Variants in CELF2 observed in about 807,000 individuals in gnomAD.
CELF2 encodes CUGBP Elav-like family member 2.
In CELF2, 8 loss-of-function variants were observed where a neutral mutation model predicts 62.6. The observed-to-expected ratio is 0.13, with a 90% CI of 0.07 to 0.23. The LOEUF is 0.23. CELF2 is among the 10% of genes least tolerant of loss of function. The pLI, the probability that CELF2 is intolerant of heterozygous loss-of-function variation, is 1.00. For synonymous variants in CELF2, 258 were observed against 250.0 expected, an observed-to-expected ratio of 1.03 and a Z score of -0.30; for missense variants, 333 against 671.0, an observed-to-expected ratio of 0.50 and a Z score of 5.56.
At chr10:10,946,347 A>G (rs374770471) in intron 2 of CELF2, 29 of 152,542 alleles carry the variant, frequency 1.9e-4, no homozygotes, top group East Asian at 1.2e-3. Context: ...GGGTGTAGAA[A>G]TTGTGTCATT....
intron 2 of CELF2, among the ~76,000 whole-genome samples, chr10:11,167,240 A>G (rs1221431160): frequency 6.6e-6 from 1 of 152,226 alleles, no homozygotes; most frequent in Non-Finnish European, 1.5e-5. Context: ...ATGGTATGCT[A>G]TTGAGGAAAG....
At chr10:10,627,862 A>C in the CELF2 span, among the ~76,000 whole-genome samples, 2 of 152,202 alleles carry the variant, frequency 1.3e-5, no homozygotes, top group Admixed American at 6.5e-5. Flanking sequence ...GTTTGTGTTT[A>C]ACATATTATT....
At chr10:10,810,580 G>C (rs1006791172) in intron 1 of CELF2, among the ~76,000 whole-genome samples, 4 of 152,118 alleles carry the variant, frequency 2.6e-5, no homozygotes, top group African/African-American at 9.7e-5. Flanking sequence ...AGAGGGAAGA[G>C]AGAAGAGGAA....
the CELF2 span, among the ~76,000 whole-genome samples, chr10:10,531,132 G>A: frequency 2.0e-5 from 3 of 152,148 alleles, no homozygotes; most frequent in Non-Finnish European, 4.4e-5. Context: ...CCACATCTTC[G>A]AAAGAAATAC....
rs2090982553 is a variant in CELF2, at chr10:11,285,691, T to C, written c.842-2727T>C. Among the ~76,000 whole-genome samples the C allele has an allele frequency of 6.6e-6, 1 of 152,198 alleles. No individual in the cohort carries two copies. Among genetic ancestry groups the C allele is most frequent in the South Asian group, 2.1e-4 (1 of 4,828 alleles). On this transcript the variant is annotated intron_variant, in intron 8 of 12. Coordinates refer to ENST00000633077, the MANE Select transcript of CELF2 (RefSeq NM_001326342.2). The surrounding 1 kb of genome is among the most constrained non-coding windows in gnomAD (Gnocchi z 4.3). ...TTGTAAATACCAAAGAACTAATAAATAATGGGGAAAACTAAAACCTTGGCT... is the reference window on the plus strand; with the variant it reads ...TTGTAAATACCAAAGAACTAATAAACAATGGGGAAAACTAAAACCTTGGCT...
At position 11,186,525 on chromosome 10, in the gene CELF2, A is replaced by G. The variant is rs557912285; in HGVS notation, c.271+20843A>G. ...ACAAATTCTGATATGCTGTAGTTTC[A>G]TTTTCATTCAGTTGAAAATACTTCC... On this transcript the variant is annotated intron_variant, in intron 2 of 12. Coordinates refer to ENST00000633077, the MANE Select transcript of CELF2 (RefSeq NM_001326342.2). Among the ~76,000 whole-genome samples, 94 of 152,070 alleles carry G rather than the reference A, an allele frequency of 6.2e-4. 1 individual carries two copies. Among genetic ancestry groups the G allele is most frequent in the African/African-American group, 2.2e-3 (92 of 41,506 alleles).
At chr10:10,679,183 T>C in the CELF2 span, among the ~76,000 whole-genome samples, 29 of 152,234 alleles carry the variant, frequency 1.9e-4, no homozygotes, top group African/African-American at 6.5e-4. Context: ...TGGTGCAGTA[T>C]GATATATCTC....
At chr10:11,116,118 T>G (rs534277810) in intron 1 of CELF2, among the ~76,000 whole-genome samples, 1 of 152,186 alleles carries the variant, frequency 6.6e-6, no homozygotes, top group Non-Finnish European at 1.5e-5. Flanking sequence ...TCCTTTTAAT[T>G]TAATACTCTA....
chr10:11,319,947 T>G lies in CELF2; in HGVS notation c.1097-1242T>G, dbSNP rs1211451161. 4.3e-6 allele frequency: 2 copies of G among 463,414 alleles called. No individual in the cohort carries two copies. Among genetic ancestry groups the G allele is most frequent in the Non-Finnish European group, 8.9e-6 (2 of 224,368 alleles). 28.7% of individuals were successfully genotyped at this position (463,414 alleles called of 1,614,324 possible). A position where few individuals can be genotyped will look rare whatever the true frequency, so the allele number is the denominator to read the frequency against. ...ATTCTCTGGTGTTTCCAGGCAGCCT[T>G]ACCTTAGCTGTCCTCCATTCTCATT... On this transcript the variant is annotated intron_variant, in intron 10 of 12. Transcript: ENST00000633077. The surrounding 1 kb of genome is among the most constrained non-coding windows in gnomAD (Gnocchi z 4.4).
chr10:11,043,565 C>T (rs560805411), intron 1 of CELF2, among the ~76,000 whole-genome samples: 1 of 152,182 alleles, frequency 6.6e-6, no homozygotes, highest in Non-Finnish European at 1.5e-5. Context: ...ACTTCCGTGT[C>T]CTGAATCAAG....
chr10:10,828,843 A>T (rs1379277250), intron 1 of CELF2, among the ~76,000 whole-genome samples: 2 of 152,138 alleles, frequency 1.3e-5, no homozygotes, highest in Non-Finnish European at 2.9e-5. Context: ...TTGAATAAGC[A>T]ATGGATGAAG....
chr10:10,680,144 CGTATGTATGTATGTAT>C, the CELF2 span, among the ~76,000 whole-genome samples: 4 of 150,648 alleles, frequency 2.7e-5, no homozygotes, highest in Admixed American at 2.0e-4. Flanking sequence ...TATGTATGTA[CGTATGTATGTATGTAT>C]GTATGTATGT....
At chr10:10,689,802 C>A in the CELF2 span, among the ~76,000 whole-genome samples, 1 of 152,184 alleles carries the variant, frequency 6.6e-6, no homozygotes, top group Non-Finnish European at 1.5e-5. Flanking sequence ...CATTATGCAA[C>A]AAATTTAACG....
At chr10:10,893,641 G>A (rs1377593888) in intron 1 of CELF2, among the ~76,000 whole-genome samples, 1 of 152,210 alleles carries the variant, frequency 6.6e-6, no homozygotes, top group African/African-American at 2.4e-5. Context: ...GGCTGTATGG[G>A]AAACATAGTG....
intron 1 of CELF2, among the ~76,000 whole-genome samples, chr10:10,808,930 T>A (rs1462695310): frequency 6.6e-6 from 1 of 152,198 alleles, no homozygotes; most frequent in African/African-American, 2.4e-5. Context: ...AGCTCATTTT[T>A]AAAAATTTTA....
At chr10:10,854,227 G>A (rs2059570161) in intron 1 of CELF2, among the ~76,000 whole-genome samples, 1 of 152,182 alleles carries the variant, frequency 6.6e-6, no homozygotes, top group Admixed American at 6.5e-5. Context: ...AAAAGAGCCT[G>A]TGTCTGCTCT....
At chr10:10,638,465 A>G in the CELF2 span, among the ~76,000 whole-genome samples, 2 of 152,230 alleles carry the variant, frequency 1.3e-5, no homozygotes, top group Non-Finnish European at 2.9e-5. Context: ...TAGTCCATAC[A>G]GTATCTACTG....
chr10:10,705,038 T>C, the CELF2 span, among the ~76,000 whole-genome samples: 1 of 151,996 alleles, frequency 6.6e-6, no homozygotes, highest in African/African-American at 2.4e-5. Flanking sequence ...AAAATTTTAG[T>C]AGCCGGCGGT....
the CELF2 span, among the ~76,000 whole-genome samples, chr10:10,482,919 T>C: frequency 3.3e-5 from 5 of 152,148 alleles, no homozygotes; most frequent in Non-Finnish European, 5.9e-5. Context: ...TTATTTAAAC[T>C]AGCCAGTTTT....
Sources: allele counts gnomAD v4.1 joint callset (sites outside exome capture counted in the v4.1 genomes callset), GRCh38; gene constraint gnomAD v4.1.1; non-coding constraint Gnocchi (gnomAD v3.1); transcripts MANE v1.5; gene names NCBI Gene and HGNC (gene_info 2026-07-23, HGNC 2026-07-21).